ALOX5AP: variants seen among roughly 807,000 people sequenced by gnomAD.
ALOX5AP encodes the protein arachidonate 5-lipoxygenase activating protein, also known as arachidonate 5-lipoxygenase-activating protein.
Under a neutral mutation model 18.5 loss-of-function variants are expected in ALOX5AP, and 9 were observed. The observed-to-expected ratio is 0.49, with a 90% confidence interval of 0.29 to 0.85. ALOX5AP has a LOEUF of 0.85. Ranked by LOEUF, ALOX5AP falls within the 40% of genes least tolerant of loss-of-function variation. The pLI, the probability that ALOX5AP is intolerant of heterozygous loss-of-function variation, is 0.08. For missense variants in ALOX5AP, 172 were observed against 202.5 expected, an observed-to-expected ratio of 0.85 and a Z score of 0.91; for synonymous variants, 81 against 78.6, an observed-to-expected ratio of 1.03 and a Z score of -0.16.
At chr13:30,741,831 G>GTTTTTTT (rs770976174) in intron 1 of ALOX5AP, among the ~76,000 whole-genome samples, 6 of 133,932 alleles carry the variant, frequency 4.5e-5, no homozygotes, top group East Asian at 2.1e-4. Flanking sequence ...ATGGTTTTCT[G>GTTTTTTT]TTTTTTTTTT....
upstream of ALOX5AP, among the ~76,000 whole-genome samples, chr13:30,731,460 A>G (rs1372943878): frequency 6.6e-6 from 1 of 150,736 alleles, no homozygotes; most frequent in African/African-American, 2.5e-5. Flanking sequence ...TGAAGCCTCC[A>G]TCTCTACAGC....
intron 1 of ALOX5AP, among the ~76,000 whole-genome samples, chr13:30,720,151 C>T (rs547398560): frequency 3.3e-5 from 5 of 152,318 alleles, no homozygotes; most frequent in South Asian, 4.1e-4. Context: ...TGAGCCACCG[C>T]GCCCGGCCTC....
chr13:30,759,928 G>T (rs193150514), intron 4 of ALOX5AP, among the ~76,000 whole-genome samples: 64 of 152,312 alleles, frequency 4.2e-4, no homozygotes, highest in Non-Finnish European at 6.3e-4. Context: ...AGATGATTCT[G>T]CATTCTCAGA....
At chr13:30,754,741 A>G (rs775908035) in intron 3 of ALOX5AP, among the ~76,000 whole-genome samples, 29 of 152,228 alleles carry the variant, frequency 1.9e-4, no homozygotes, top group Non-Finnish European at 3.8e-4. Context: ...ATTATTTTGA[A>G]CACCCCTATG....
intron 1 of ALOX5AP, among the ~76,000 whole-genome samples, chr13:30,742,802 TG>T (rs976547526): frequency 1.7e-4 from 26 of 151,980 alleles, no homozygotes; most frequent in Admixed American, 1.6e-3. Context: ...TTTTCACTCT[TG>T]AAAAAGGAGT....
chr13:30,717,366 G>A (rs1951558181), intron 1 of ALOX5AP, among the ~76,000 whole-genome samples: 1 of 152,236 alleles, frequency 6.6e-6, no homozygotes, highest in South Asian at 2.1e-4. Flanking sequence ...AAAACCCCAA[G>A]CAGTGGACAC....
intron 2 of ALOX5AP, among the ~76,000 whole-genome samples, chr13:30,746,878 G>A (rs1041093754): frequency 2.0e-5 from 3 of 152,210 alleles, no homozygotes; most frequent in Non-Finnish European, 4.4e-5. Context: ...GATCATAAAT[G>A]TTTAGGGACC....
intron 3 of ALOX5AP, among the ~76,000 whole-genome samples, chr13:30,753,486 G>C (rs4516062): frequency 2.0e-5 from 3 of 152,032 alleles, no homozygotes; most frequent in African/African-American, 4.8e-5. Context: ...CCTGGAAATA[G>C]GTATTTCCTG....
chr13:30,731,105 G>A (rs566242437), upstream of ALOX5AP, among the ~76,000 whole-genome samples: 1 of 152,172 alleles, frequency 6.6e-6, no homozygotes, highest in African/African-American at 2.4e-5. Flanking sequence ...GTCAGATGTC[G>A]TGGGGATATG....
chr13:30,759,602 A>T lies in ALOX5AP; in HGVS notation c.323+3577A>T, dbSNP rs368923456. Among the ~76,000 whole-genome samples the T allele has an allele frequency of 2.6e-5, 4 of 152,108 alleles. No homozygotes were observed. In the South Asian group the frequency reaches 6.2e-4, roughly 24 times the overall value. ...ATTCAACTTACCAAAATAATCATAG[A>T]CCTAGTTCTCAAAAAGCAAGAAGAC... On this transcript the variant is annotated intron_variant, in intron 4 of 4. Coordinates refer to ENST00000380490, the MANE Select transcript of ALOX5AP (RefSeq NM_001629.4).
At chr13:30,713,632 A>C (rs1043915699) in exon 1 of ALOX5AP, 1 of 889,176 alleles carries the variant, frequency 1.1e-6, no homozygotes, top group Non-Finnish European at 1.7e-6. Context: ...CCGTTTTTGA[A>C]GAGGAGGACC....
At chr13:30,732,983 C>T (rs939270427), upstream of ALOX5AP, among the ~76,000 whole-genome samples, 1 of 151,792 alleles carries the variant, frequency 6.6e-6, no homozygotes, top group Non-Finnish European at 1.5e-5. Context: ...GTGAAACCCC[C>T]GTCTCTACTA....
At position 30,741,103 on chromosome 13, in the gene ALOX5AP, C is replaced by CTTTTTTTTTTTTT. The variant is rs59980433; in HGVS notation, c.71-2934_71-2922dup. Among the ~76,000 whole-genome samples, 71 of 64,008 alleles carry CTTTTTTTTTTTTT rather than the reference C, an allele frequency of 1.1e-3. 8 individuals carry two copies. Among genetic ancestry groups the CTTTTTTTTTTTTT allele is most frequent in the Non-Finnish European group, 1.4e-3 (50 of 36,054 alleles). The allele number at this position is 64,008 out of a possible 152,430, so 42.0% of individuals were successfully genotyped here. On this transcript the variant is annotated intron_variant, in intron 1 of 4. Transcript: ENST00000380490. Reference sequence around the variant, plus strand: ...TTAACCTACACACATCCTCCATATCCTTTTTTTTTTTTTTTTTTTTTTTTT... The same window carrying CTTTTTTTTTTTTT: ...TTAACCTACACACATCCTCCATATCCTTTTTTTTTTTTTTTTTTTTTTTTTTTTTTTTTTTTTT...
chr13:30,727,274 C>T (rs1267046985), intron 1 of ALOX5AP, among the ~76,000 whole-genome samples: 1 of 152,036 alleles, frequency 6.6e-6, no homozygotes, highest in African/African-American at 2.4e-5. Flanking sequence ...GAACTCCTGG[C>T]CTCAAGTGAC....
intron 1 of ALOX5AP, among the ~76,000 whole-genome samples, chr13:30,725,774 A>G (rs549672418): frequency 6.6e-6 from 1 of 152,340 alleles, no homozygotes; most frequent in African/African-American, 2.4e-5. Flanking sequence ...GCTTCTGACC[A>G]AGGAAGTAAT....
intron 1 of ALOX5AP, among the ~76,000 whole-genome samples, chr13:30,723,754 C>T (rs1253199457): frequency 6.6e-6 from 1 of 152,098 alleles, no homozygotes; most frequent in Non-Finnish European, 1.5e-5. Context: ...AACTAAACAT[C>T]AAACATTTTT....
chr13:30,744,243 CACA>C, intron 2 of ALOX5AP, 84 bp downstream of exon 2: 1 of 1,229,040 alleles, frequency 8.1e-7, no homozygotes, highest in Non-Finnish European at 1.2e-6. Flanking sequence ...CCCTTAATAC[CACA>C]TGTCTGTCTG....
intron 4 of ALOX5AP, among the ~76,000 whole-genome samples, chr13:30,761,937 G>A (rs1951945209): frequency 6.6e-6 from 1 of 152,194 alleles, no homozygotes. Flanking sequence ...AATTTTGGAA[G>A]GGACCTAATT....
At chr13:30,755,880 T>C in intron 3 of ALOX5AP, 64 bp from the exon 4 acceptor site, 2 of 1,505,126 alleles carry the variant, frequency 1.3e-6, no homozygotes, top group Non-Finnish European at 1.8e-6. Flanking sequence ...GATTGCCTAA[T>C]TGGGCTAACA....
Sources: gnomAD v4.1 joint callset for allele counts (sites outside exome capture counted in the v4.1 genomes callset) on GRCh38, gnomAD v4.1.1 for gene constraint, MANE v1.5 for transcripts, NCBI Gene and HGNC (gene_info 2026-07-23, HGNC 2026-07-21) for gene names.